Variants in LSAMP observed in about 807,000 individuals in gnomAD.
LSAMP encodes limbic system-associated membrane protein.
A neutral mutation model predicts 38.6 loss-of-function variants in LSAMP; 7 were observed. The ratio of observed to expected loss-of-function variants is 0.18; its 90% confidence interval spans 0.10 to 0.34. The LOEUF (loss-of-function observed/expected upper bound fraction) is 0.34. Among genes scored for constraint, LSAMP ranks in the 10% least tolerant of loss-of-function variants. The pLI, the probability that LSAMP is intolerant of heterozygous loss-of-function variation, is 1.00. For synonymous variants in LSAMP, 154 were observed against 166.8 expected, an observed-to-expected ratio of 0.92 and a Z score of 0.59; for missense variants, 313 against 420.0, an observed-to-expected ratio of 0.75 and a Z score of 2.23.
At chr3:116,208,353 C>T (rs1229655449) in intron 1 of LSAMP, among the ~76,000 whole-genome samples, 4 of 151,694 alleles carry the variant, frequency 2.6e-5, no homozygotes, top group Non-Finnish European at 5.9e-5. Context: ...TGAATGTCCT[C>T]CCGTAGCTCA....
intron 1 of LSAMP, among the ~76,000 whole-genome samples, chr3:116,317,157 T>C (rs2047640024): frequency 6.6e-6 from 1 of 152,096 alleles, no homozygotes; most frequent in African/African-American, 2.4e-5. Flanking sequence ...CGAGTCCCCT[T>C]CCACGCTGTG....
chr3:116,359,096 A>T (rs2048266414), intron 1 of LSAMP, among the ~76,000 whole-genome samples: 2 of 152,204 alleles, frequency 1.3e-5, no homozygotes, highest in South Asian at 4.1e-4. Context: ...TTACTATAAA[A>T]TATTATGTTT....
intron 1 of LSAMP, among the ~76,000 whole-genome samples, chr3:116,118,951 G>T (rs189633232): frequency 1.6e-4 from 25 of 152,160 alleles, no homozygotes; most frequent in Non-Finnish European, 2.5e-4. Flanking sequence ...CCTGGGGATC[G>T]TTTAAAATGC....
At chr3:115,951,411 TCAAA>T (rs374653702) in intron 3 of LSAMP, among the ~76,000 whole-genome samples, 2 of 152,074 alleles carry the variant, frequency 1.3e-5, no homozygotes, top group African/African-American at 4.8e-5. Context: ...TATAAGGAAC[TCAAA>T]CAAATCAGCA....
chr3:116,284,669 T>C lies in LSAMP; in HGVS notation c.155+160208A>G, dbSNP rs574417302. 7.2e-5 allele frequency among the ~76,000 whole-genome samples: 11 copies of C among 152,302 alleles called. No homozygotes were observed. In the South Asian group the frequency reaches 2.3e-3, roughly 32 times the overall value. On this transcript the variant is annotated intron_variant, in intron 1 of 6. Coordinates refer to ENST00000490035, the MANE Select transcript of LSAMP (RefSeq NM_002338.5). ...TGGAAGGATAAACCCTGCATTTAAT[T>C]CCTTGATGGCTGTCATCCTGCTGTA...
intron 1 of LSAMP, among the ~76,000 whole-genome samples, chr3:116,152,288 C>A (rs375740016): frequency 6.6e-6 from 1 of 152,218 alleles, no homozygotes; most frequent in Non-Finnish European, 1.5e-5. Context: ...GTGCTTTCCA[C>A]GTACAAACGC....
chr3:116,237,360 T>A (rs924617243), intron 1 of LSAMP, among the ~76,000 whole-genome samples: 1 of 152,116 alleles, frequency 6.6e-6, no homozygotes, highest in Non-Finnish European at 1.5e-5. Context: ...AATATATCCT[T>A]TTTTCTTCCT....
At chr3:116,289,115 G>A (rs1272498235) in intron 1 of LSAMP, among the ~76,000 whole-genome samples, 1 of 152,102 alleles carries the variant, frequency 6.6e-6, no homozygotes, top group East Asian at 1.9e-4. Context: ...GAAACAATCA[G>A]TAGCATCTAT....
chr3:116,141,723 C>T (rs1709374903), intron 1 of LSAMP, among the ~76,000 whole-genome samples: 1 of 151,842 alleles, frequency 6.6e-6, no homozygotes, highest in South Asian at 2.1e-4. Context: ...TCTCAGATTC[C>T]CCAGGAAACA....
chr3:116,114,561 A>G (rs1708700904), intron 1 of LSAMP, among the ~76,000 whole-genome samples: 1 of 152,158 alleles, frequency 6.6e-6, no homozygotes. Flanking sequence ...AGCCTTGGGT[A>G]TAATAAAATC....
intron 1 of LSAMP, among the ~76,000 whole-genome samples, chr3:116,270,575 A>C (rs2046958047): frequency 6.6e-6 from 1 of 152,064 alleles, no homozygotes; most frequent in Admixed American, 6.6e-5. Flanking sequence ...GGTTATGTTG[A>C]TCTCAATTAG....
chr3:115,916,112 C>T (rs1386512046), intron 3 of LSAMP, among the ~76,000 whole-genome samples: 1 of 151,998 alleles, frequency 6.6e-6, no homozygotes, highest in East Asian at 1.9e-4. Context: ...AAGTCCAACA[C>T]CGATCATTCA....
chr3:115,818,819 T>A (rs1302930784), intron 6 of LSAMP, among the ~76,000 whole-genome samples: 2 of 126,646 alleles, frequency 1.6e-5, no homozygotes, highest in African/African-American at 5.6e-5. Context: ...TATATATATA[T>A]ATAACTGCAG....
At chr3:116,089,055 G>A (rs1264322531) in intron 1 of LSAMP, among the ~76,000 whole-genome samples, 1 of 152,062 alleles carries the variant, frequency 6.6e-6, no homozygotes, top group Non-Finnish European at 1.5e-5. Flanking sequence ...GGGTCTTTAT[G>A]GTCCTTTGAC....
At chr3:115,922,139 G>A (rs1937396089) in intron 3 of LSAMP, among the ~76,000 whole-genome samples, 1 of 152,036 alleles carries the variant, frequency 6.6e-6, no homozygotes, top group African/African-American at 2.4e-5. Context: ...GACTTGGGGA[G>A]TTTTCATTCA....
chr3:116,212,896 A>T (rs2046176835), intron 1 of LSAMP, among the ~76,000 whole-genome samples: 1 of 152,220 alleles, frequency 6.6e-6, no homozygotes, highest in Non-Finnish European at 1.5e-5. Context: ...GTACAAAGTT[A>T]TACTATTTTA....
At chr3:116,295,332 T>C (rs886698269) in intron 1 of LSAMP, among the ~76,000 whole-genome samples, 11 of 152,222 alleles carry the variant, frequency 7.2e-5, no homozygotes, top group Non-Finnish European at 1.5e-4. Context: ...CTTATGACTC[T>C]CCAAGATTGA....
At chr3:116,071,330 T>C (rs994440830) in intron 2 of LSAMP, among the ~76,000 whole-genome samples, 4 of 147,550 alleles carry the variant, frequency 2.7e-5, no homozygotes, top group African/African-American at 1.0e-4. Flanking sequence ...TTAATAATCA[T>C]GAGGGTTTTT....
chr3:115,812,704 G>A (rs11706614), intron 6 of LSAMP, among the ~76,000 whole-genome samples: 39,925 of 152,084 alleles, frequency 0.26, 5,401 homozygotes, highest in Non-Finnish European at 0.3. Flanking sequence ...GGGTTAGGCA[G>A]AAAATACTTG....
Sources: allele counts gnomAD v4.1 joint callset (sites outside exome capture counted in the v4.1 genomes callset), GRCh38; gene constraint gnomAD v4.1.1; transcripts MANE v1.5; gene names NCBI Gene and HGNC (gene_info 2026-07-23, HGNC 2026-07-21).